The following BRD4 variants were observed in gnomAD, a reference collection of about 807,000 sequenced individuals.
BRD4 encodes the protein bromodomain containing 4.
In BRD4, 16 loss-of-function variants were observed where a neutral mutation model predicts 142.1. The ratio of observed to expected loss-of-function variants is 0.11; its 90% confidence interval spans 0.08 to 0.17. The LOEUF is 0.17. BRD4 is among the 10% of genes least tolerant of loss of function. BRD4 has a pLI of 1.00. For missense variants in BRD4, 1,424 were observed against 1,810.9 expected, an observed-to-expected ratio of 0.79 and a Z score of 3.88; for synonymous variants, 833 against 707.5, an observed-to-expected ratio of 1.18 and a Z score of -2.82.
intron 2 of BRD4, among the ~76,000 whole-genome samples, chr19:15,271,146 C>T (rs2047583237): frequency 6.6e-6 from 1 of 152,170 alleles, no homozygotes; most frequent in African/African-American, 2.4e-5. Flanking sequence ...GATGCTGCTG[C>T]TTCTCGGCAA....
chr19:15,252,775 A>AG (rs1368317269), intron 11 of BRD4, among the ~76,000 whole-genome samples: 2 of 152,170 alleles, frequency 1.3e-5, no homozygotes, highest in Non-Finnish European at 2.9e-5. Context: ...GGAGTCCTGG[A>AG]GGGTCCTTCA....
At chr19:15,270,157 G>A (rs2047571991) in intron 2 of BRD4, among the ~76,000 whole-genome samples, 1 of 152,260 alleles carries the variant, frequency 6.6e-6, no homozygotes, top group African/African-American at 2.4e-5. Flanking sequence ...GGCACAGGCT[G>A]CAGGTGGAGA....
chr19:15,260,940 G>A (rs1037889676), intron 7 of BRD4, among the ~76,000 whole-genome samples: 2 of 152,212 alleles, frequency 1.3e-5, no homozygotes, highest in African/African-American at 4.8e-5. Context: ...ACATCAGAGG[G>A]TGCTTTTTCT....
At chr19:15,320,919 G>A (rs546383161) in intron 1 of BRD4, among the ~76,000 whole-genome samples, 10 of 152,294 alleles carry the variant, frequency 6.6e-5, no homozygotes, top group African/African-American at 2.2e-4. Context: ...CTCCAAGTTC[G>A]GGGGTACATT....
chr19:15,327,470 G>C (rs1006287618), intron 1 of BRD4, among the ~76,000 whole-genome samples: 1 of 152,134 alleles, frequency 6.6e-6, no homozygotes, highest in African/African-American at 2.4e-5. Context: ...CTTGAACCCG[G>C]GGGGTGGAGG....
intron 13 of BRD4, among the ~76,000 whole-genome samples, chr19:15,243,920 G>C (rs1178581473): frequency 6.6e-6 from 1 of 152,190 alleles, no homozygotes; most frequent in East Asian, 1.9e-4. Flanking sequence ...AGGGGTCCCA[G>C]CTTTTCCCAT....
At position 15,283,026 on chromosome 19, in the gene BRD4, T is replaced by G. The variant is rs529098803; in HGVS notation, c.-34-9893A>C. On this transcript the variant is annotated intron_variant, in intron 1 of 19. Coordinates refer to ENST00000679869, the MANE Select transcript of BRD4 (RefSeq NM_001379291.1). ...AACGCAATGTGACATGACTGTGAAT[T>G]TATGGATTAAAACCCTGCTTTGAGA... Among the ~76,000 whole-genome samples, 59 of 152,238 alleles carry G rather than the reference T, an allele frequency of 3.9e-4. 1 individual carries two copies. In the South Asian group the frequency reaches 0.012, roughly 31 times the overall value.
rs905139006 is a variant in BRD4, at chr19:15,237,162, A to C, written c.*1215T>G. ...CTTGGCCCTTCCTTTCTCAGTAAAA[A>C]ACAAAAACAAAAACAAAAACCAAAA... On this transcript the variant is annotated 3_prime_UTR_variant, in exon 20 of 20. Transcript: ENST00000679869. 1.5e-5 allele frequency: 3 copies of C among 204,218 alleles called. No homozygotes were observed. Among genetic ancestry groups the C allele is most frequent in the African/African-American group, 7.0e-5 (3 of 42,808 alleles). 12.7% of individuals were successfully genotyped at this position (204,218 alleles called of 1,614,324 possible).
Position 15,243,474 on chromosome 19 carries a change from T to C in BRD4, c.2595A>G (p.Ala865=), listed in dbSNP as rs2047257634. 6.4e-7 allele frequency: 1 copy of C among 1,568,822 alleles called. No homozygotes were observed. The highest frequency in any genetic ancestry group is 8.6e-7 in the Non-Finnish European group (1 of 1,160,832). The change falls in exon 14 of 20, where the codon GCA becomes GCG. Residue 865 remains alanine (A), a synonymous_variant. Transcript: ENST00000679869. ...AVVSPPALHN[A]LPQQPSRPSN... Reference sequence around the variant, plus strand: ...TGGGCCGTGATGGCTGCTGGGGTAGTGCGTTGTGCAAAGCTGGAAGAACAC... The same window carrying C: ...TGGGCCGTGATGGCTGCTGGGGTAGCGCGTTGTGCAAAGCTGGAAGAACAC...
At chr19:15,264,258 T>A in intron 6 of BRD4, 146 bp downstream of exon 6, 1 of 1,136,526 alleles carries the variant, frequency 8.8e-7, no homozygotes, top group Non-Finnish European at 1.2e-6. Flanking sequence ...CAGGGGGCGC[T>A]GAGTTTCTTC....
chr19:15,245,083 C>T (rs1265063563), intron 11 of BRD4: 1 of 459,304 alleles, frequency 2.2e-6, no homozygotes, highest in Non-Finnish European at 4.0e-6. Flanking sequence ...GGGTCAGTCA[C>T]TCACTATAGT....
Position 15,282,932 on chromosome 19 carries a change from C to T in BRD4, c.-34-9799G>A, listed in dbSNP as rs545106674. ...GTTAAGCTATGATCATGTCACTGCACTCCAGCCTAGGCGACAGAGTAAGAC... is the reference window on the plus strand; with the variant it reads ...GTTAAGCTATGATCATGTCACTGCATTCCAGCCTAGGCGACAGAGTAAGAC... On this transcript the variant is annotated intron_variant, in intron 1 of 19. Coordinates refer to ENST00000679869, the MANE Select transcript of BRD4 (RefSeq NM_001379291.1). 9.9e-5 allele frequency among the ~76,000 whole-genome samples: 15 copies of T among 152,268 alleles called. No individual in the cohort carries two copies. The South Asian group carries it at 1.5e-3, about 15-fold the overall frequency.
chr19:15,287,292 G>A (rs1423852243), intron 1 of BRD4, among the ~76,000 whole-genome samples: 1 of 151,160 alleles, frequency 6.6e-6, no homozygotes, highest in South Asian at 2.1e-4. Context: ...TTTTATTATG[G>A]TAAAATATAT....
At chr19:15,329,164 T>TC (rs951621831) in intron 1 of BRD4, among the ~76,000 whole-genome samples, 12 of 151,804 alleles carry the variant, frequency 7.9e-5, no homozygotes, top group Non-Finnish European at 1.5e-4. Flanking sequence ...AGCAAGGAAT[T>TC]CCCCACAATT....
chr19:15,312,075 G>T (rs1315886463), intron 1 of BRD4, among the ~76,000 whole-genome samples: 1 of 152,228 alleles, frequency 6.6e-6, no homozygotes, highest in African/African-American at 2.4e-5. Context: ...ACATGCGTGT[G>T]CATGTAGGCA....
chr19:15,254,108 G>A (rs2047379969), intron 11 of BRD4, 44 bp downstream of exon 11: 2 of 1,532,142 alleles, frequency 1.3e-6, no homozygotes, highest in East Asian at 2.3e-5. Context: ...CCAGGCACAG[G>A]TGGGAAGAGT....
intron 1 of BRD4, among the ~76,000 whole-genome samples, chr19:15,330,259 A>T (rs7257178): frequency 0.78 from 118,853 of 152,108 alleles, 47,206 homozygotes; most frequent in African/African-American, 0.94. Context: ...CCTACCAAAG[A>T]AAGAGGTATG....
chr19:15,278,616 T>C (rs77586257), intron 1 of BRD4, among the ~76,000 whole-genome samples: 5 of 151,440 alleles, frequency 3.3e-5, no homozygotes, highest in African/African-American at 4.9e-5. Context: ...TTTTTTTTTT[T>C]CAGACAGCTA....
intron 1 of BRD4, among the ~76,000 whole-genome samples, chr19:15,308,370 C>CTA (rs1568406820): frequency 6.6e-6 from 1 of 151,080 alleles, no homozygotes; most frequent in Non-Finnish European, 1.5e-5. Flanking sequence ...GGGTGAATTA[C>CTA]GATGTCAGGA....
Sources: gnomAD v4.1 joint callset for allele counts (sites outside exome capture counted in the v4.1 genomes callset) on GRCh38, gnomAD v4.1.1 for gene constraint, MANE v1.5 for transcripts, NCBI Gene and HGNC (gene_info 2026-07-23, HGNC 2026-07-21) for gene names.